PAN3: variants seen among roughly 807,000 people sequenced by gnomAD.
PAN3 encodes PAN2-PAN3 deadenylation complex subunit PAN3.
A neutral mutation model predicts 96.2 loss-of-function variants in PAN3; 19 were observed. The ratio of observed to expected loss-of-function variants is 0.20; its 90% CI spans 0.14 to 0.29. The LOEUF is 0.29. PAN3 is among the 10% of genes least tolerant of loss of function. The pLI, the probability that PAN3 is intolerant of heterozygous loss-of-function variation, is 1.00. For missense variants in PAN3, 882 were observed against 1,108.1 expected (o/e 0.80, Z 2.90); for synonymous variants, 433 against 406.6 (o/e 1.06, Z -0.78).
At chr13:28,165,314 T>C in intron 1 of PAN3, among the ~76,000 whole-genome samples, 1 of 115,606 alleles carries the variant, frequency 8.7e-6, no homozygotes, top group South Asian at 2.8e-4. Flanking sequence ...GAGATGGGGG[T>C]CTTGCTATGT....
Position 28,174,399 on chromosome 13 carries a change from C to T in PAN3, c.552+6C>T. 6.2e-7 allele frequency: 1 copy of T among 1,612,164 alleles called. No homozygotes were observed. The highest frequency in any genetic ancestry group is 8.5e-7 in the Non-Finnish European group (1 of 1,178,640). On this transcript the variant is annotated splice_donor_region_variant and intron_variant, in intron 2 of 18. Transcript: ENST00000380958. ...CAAAATATCCCCTGATGCAGGTATCCTTAGTATAAATTCATATTGCACTAT... is the reference window on the plus strand; with the variant it reads ...CAAAATATCCCCTGATGCAGGTATCTTTAGTATAAATTCATATTGCACTAT...
intron 5 of PAN3, among the ~76,000 whole-genome samples, chr13:28,197,662 T>G (rs1878221061): frequency 6.6e-6 from 1 of 152,024 alleles, no homozygotes; most frequent in African/African-American, 2.4e-5. Flanking sequence ...AACCTCCACC[T>G]CCCAGATTCA....
intron 4 of PAN3, among the ~76,000 whole-genome samples, chr13:28,190,808 AACAC>A (rs1285256041): frequency 1.3e-5 from 2 of 152,188 alleles, no homozygotes; most frequent in East Asian, 3.8e-4. Context: ...TCACTCCCTT[AACAC>A]ATGGGCATTA....
At chr13:28,214,532 T>C (rs773716280) in intron 5 of PAN3, 8 of 290,034 alleles carry the variant, frequency 2.8e-5, no homozygotes, top group Non-Finnish European at 4.6e-5. Flanking sequence ...GAAGAGACTT[T>C]TATCAACATT....
intron 1 of PAN3, among the ~76,000 whole-genome samples, chr13:28,169,259 C>T (rs1271484304): frequency 4.8e-5 from 5 of 104,556 alleles, no homozygotes; most frequent in Non-Finnish European, 7.1e-5. Context: ...GATGGAGTCT[C>T]GCTCTTGTTG....
rs1870007692 is a variant in PAN3 at position 28,293,420 on chromosome 13, C to CTTTT, written c.*898_*899insTTTT. 1 of 24,108 alleles carries CTTTT rather than the reference C, an allele frequency of 4.1e-5. No homozygotes were observed. The highest frequency in any genetic ancestry group is 7.6e-5 in the Non-Finnish European group (1 of 13,130). 1.5% of individuals were successfully genotyped at this position (24,108 alleles called of 1,614,324 possible). On this transcript the variant is annotated 3_prime_UTR_variant, in exon 19 of 19. Transcript: ENST00000380958. The stretch of plus-strand genomic sequence containing the variant: ...TTTTTTTTTTTTTTTTTTTTTTGGG[C>CTTTT]GGGGGGGAGGTTTATGAAGTTTTGC...
chr13:28,221,185 T>C (rs1405630980), intron 6 of PAN3, among the ~76,000 whole-genome samples: 1 of 152,142 alleles, frequency 6.6e-6, no homozygotes, highest in Non-Finnish European at 1.5e-5. Context: ...TCCCCACTGC[T>C]GTATACCTTG....
At chr13:28,277,857 G>T (rs1593623962) in intron 15 of PAN3, among the ~76,000 whole-genome samples, 1 of 152,136 alleles carries the variant, frequency 6.6e-6, no homozygotes, top group Admixed American at 6.6e-5. Context: ...ATGTACTCTG[G>T]CCAAAATACC....
At chr13:28,159,675 C>T (rs570032496) in intron 1 of PAN3, among the ~76,000 whole-genome samples, 58 of 151,874 alleles carry the variant, frequency 3.8e-4, no homozygotes, top group African/African-American at 1.3e-3. Flanking sequence ...CTTGAACTCC[C>T]GACCTCAGGT....
At chr13:28,244,748 T>G (rs189875587) in intron 6 of PAN3, among the ~76,000 whole-genome samples, 16 of 16,238 alleles carry the variant, frequency 9.9e-4, no homozygotes, top group Admixed American at 5.8e-3. Flanking sequence ...CTTAATTGTT[T>G]TTCTTTTCTT....
intron 1 of PAN3, among the ~76,000 whole-genome samples, chr13:28,154,449 C>T (rs180757517): frequency 1.8e-3 from 276 of 151,766 alleles, no homozygotes; most frequent in African/African-American, 6.2e-3. Context: ...ATGACAACTT[C>T]CTTAAGAGCC....
chr13:28,192,394 C>T (rs1417230816), intron 4 of PAN3, among the ~76,000 whole-genome samples: 1 of 152,140 alleles, frequency 6.6e-6, no homozygotes, highest in African/African-American at 2.4e-5. Context: ...TGCATTCAAG[C>T]TTCATCTTTT....
At chr13:28,163,500 C>T (rs1873138492) in intron 1 of PAN3, among the ~76,000 whole-genome samples, 1 of 152,148 alleles carries the variant, frequency 6.6e-6, no homozygotes, top group African/African-American at 2.4e-5. Context: ...CACCACAACC[C>T]TATGAGTGAG....
intron 1 of PAN3, among the ~76,000 whole-genome samples, chr13:28,141,817 G>C (rs1416684328): frequency 6.6e-6 from 1 of 152,126 alleles, no homozygotes; most frequent in Non-Finnish European, 1.5e-5. Context: ...AAGAGGACAG[G>C]ATGTAAGCAG....
At chr13:28,169,222 C>CTTTTTTTTTTTTTT (rs202200725) in intron 1 of PAN3, among the ~76,000 whole-genome samples, 12 of 74,988 alleles carry the variant, frequency 1.6e-4, no homozygotes, top group Admixed American at 2.0e-4. Context: ...TTTTTGTTTG[C>CTTTTTTTTTTTTTT]TTTTTTTTTT....
intron 15 of PAN3, among the ~76,000 whole-genome samples, chr13:28,277,777 G>A (rs1887181025): frequency 6.6e-6 from 1 of 152,198 alleles, no homozygotes; most frequent in African/African-American, 2.4e-5. Context: ...TCATCTTGGA[G>A]TTCTGTTGGA....
At chr13:28,274,608 A>G (rs531214694) in intron 14 of PAN3, among the ~76,000 whole-genome samples, 1 of 152,020 alleles carries the variant, frequency 6.6e-6, no homozygotes, top group Non-Finnish European at 1.5e-5. Flanking sequence ...ATAAGAAAAA[A>G]ATCCCTGAGT....
intron 1 of PAN3, among the ~76,000 whole-genome samples, chr13:28,174,005 T>C (rs1874632359): frequency 6.6e-6 from 1 of 152,206 alleles, no homozygotes; most frequent in Non-Finnish European, 1.5e-5. Context: ...ATGCAAGTGG[T>C]AGAAACTTAA....
intron 1 of PAN3, among the ~76,000 whole-genome samples, chr13:28,160,221 C>A (rs1872728121): frequency 1.3e-5 from 2 of 152,192 alleles, no homozygotes; most frequent in East Asian, 3.8e-4. Flanking sequence ...GGATTACAGG[C>A]ATGAGCCACT....
Sources: allele counts gnomAD v4.1 joint callset (sites outside exome capture counted in the v4.1 genomes callset), GRCh38; gene constraint gnomAD v4.1.1; transcripts MANE v1.5; gene names NCBI Gene and HGNC (gene_info 2026-07-23, HGNC 2026-07-21).